The following R3HDM2 variants were observed in gnomAD, a reference collection of about 807,000 sequenced individuals.
R3HDM2 encodes the protein R3H domain-containing protein 2.
In R3HDM2, 38 loss-of-function variants were observed where a neutral mutation model predicts 124.5. The ratio of observed to expected loss-of-function variants is 0.31; its 90% confidence interval spans 0.24 to 0.40. The LOEUF (loss-of-function observed/expected upper bound fraction) is 0.40, where lower values mean the gene tolerates loss of function less well. Ranked by LOEUF, R3HDM2 falls within the 10% of genes least tolerant of loss-of-function variation. The pLI, the probability that R3HDM2 is intolerant of heterozygous loss-of-function variation, is 1.00. For missense variants in R3HDM2, 869 were observed against 1,236.9 expected, an observed-to-expected ratio of 0.70 and a Z score of 4.46; for synonymous variants, 391 against 448.0, an observed-to-expected ratio of 0.87 and a Z score of 1.61.
intron 1 of R3HDM2, among the ~76,000 whole-genome samples, chr12:57,403,734 G>A (rs1283769205): frequency 1.3e-5 from 2 of 151,590 alleles, no homozygotes; most frequent in South Asian, 2.1e-4. Context: ...AGGGAGGATC[G>A]CCTGAGCCCA....
chr12:57,262,610 A>G (rs1295124377), intron 19 of R3HDM2, among the ~76,000 whole-genome samples: 2 of 152,178 alleles, frequency 1.3e-5, no homozygotes, highest in African/African-American at 4.8e-5. Flanking sequence ...TATTTTTGGA[A>G]AAGTGACCAT....
intron 2 of R3HDM2, among the ~76,000 whole-genome samples, chr12:57,329,511 T>C (rs1223134164): frequency 1.3e-5 from 2 of 152,172 alleles, no homozygotes; most frequent in Non-Finnish European, 2.9e-5. Context: ...TGCACAGTAG[T>C]TGCTAAGTGA....
In R3HDM2 at chr12:57,289,571, C is replaced by T. The variant is rs147860757; in HGVS notation, c.907-531G>A. Among the ~76,000 whole-genome samples, 46 of 152,244 alleles carry T rather than the reference C, an allele frequency of 3.0e-4. No individual in the cohort carries two copies. In the East Asian group the frequency reaches 8.1e-3, roughly 27 times the overall value. On this transcript the variant is annotated intron_variant, in intron 11 of 23. Coordinates refer to ENST00000402412, the MANE Select transcript of R3HDM2 (RefSeq NM_001394031.1). ...TGGGGAAGCAGTTACTTTTCAGGGC[C>T]TAGAAAAAATGAGAAAATTAAAAGC...
intron 2 of R3HDM2, among the ~76,000 whole-genome samples, chr12:57,339,936 A>G (rs1223358925): frequency 6.6e-6 from 1 of 152,202 alleles, no homozygotes; most frequent in African/African-American, 2.4e-5. Flanking sequence ...AAAACAAAAA[A>G]CAAAAAAAGT....
intron 2 of R3HDM2, among the ~76,000 whole-genome samples, chr12:57,375,949 GGCGTGA>G (rs2064006810): frequency 6.6e-6 from 1 of 152,082 alleles, no homozygotes. Flanking sequence ...TGGGATTACA[GGCGTGA>G]GCCACCATGC....
chr12:57,367,377 T>TA (rs2062795527), intron 2 of R3HDM2, among the ~76,000 whole-genome samples: 1 of 152,240 alleles, frequency 6.6e-6, no homozygotes, highest in Non-Finnish European at 1.5e-5. Context: ...ACTCAATTTT[T>TA]ATGTAAATAT....
intron 2 of R3HDM2, among the ~76,000 whole-genome samples, chr12:57,359,026 T>A (rs1490819821): frequency 6.6e-6 from 1 of 151,970 alleles, no homozygotes; most frequent in East Asian, 1.9e-4. Context: ...CAAGTAATTC[T>A]CCTGCCTCAG....
At position 57,297,980 on chromosome 12, in the gene R3HDM2, A is replaced by T. The variant is rs977793312; in HGVS notation, c.500+110T>A. On this transcript the variant is annotated intron_variant, in intron 7 of 23. Transcript: ENST00000402412. ...CCTGACAAATACTAGGGGGACAGGA[A>T]GATGAGCATCCTAGATTCTAAGAAT... 1.1e-5 allele frequency: 8 copies of T among 755,866 alleles called. No homozygotes were observed. The African/African-American group carries it at 1.4e-4, about 13-fold the overall frequency. 46.8% of individuals were successfully genotyped at this position (755,866 alleles called of 1,614,324 possible). A position where few individuals can be genotyped will look rare whatever the true frequency, so the allele number is the denominator to read the frequency against.
rs377709378 is a variant in R3HDM2, at chr12:57,365,663, C to T, written c.-36+30086G>A. Among the ~76,000 whole-genome samples the T allele has an allele frequency of 5.3e-5, 8 of 152,068 alleles. No individual in the cohort carries two copies. The South Asian group carries it at 1.5e-3, about 28-fold the overall frequency. On this transcript the variant is annotated intron_variant, in intron 2 of 23. Transcript: ENST00000402412. ...TTAAGATCAGTGATAAAGCTGGAAA[C>T]GGTGGCTTATGCCTGTAATCCCAGC...
intron 2 of R3HDM2, among the ~76,000 whole-genome samples, chr12:57,378,587 C>T (rs1479099834): frequency 3.3e-5 from 5 of 152,212 alleles, no homozygotes; most frequent in East Asian, 3.9e-4. Context: ...CCATGTTGCC[C>T]AGGCTGGTCT....
intron 2 of R3HDM2, among the ~76,000 whole-genome samples, chr12:57,354,781 G>C (rs923274664): frequency 6.6e-6 from 1 of 152,006 alleles, no homozygotes; most frequent in East Asian, 1.9e-4. Context: ...TACATTTTCT[G>C]CCAGTATGAA....
chr12:57,268,819 A>G (rs2043014882), intron 17 of R3HDM2, 103 bp downstream of exon 17: 1 of 1,361,364 alleles, frequency 7.3e-7, no homozygotes, highest in Non-Finnish European at 1.0e-6. Context: ...GAAAGTAGAC[A>G]CTATTTTAGT....
chr12:57,416,499 T>C (rs892096821), intron 1 of R3HDM2, among the ~76,000 whole-genome samples: 3 of 152,058 alleles, frequency 2.0e-5, no homozygotes, highest in African/African-American at 7.2e-5. Context: ...TAAAAGGCAA[T>C]TTGAGATGAG....
chr12:57,425,269 T>A (rs144952312), intron 1 of R3HDM2, among the ~76,000 whole-genome samples: 1,936 of 147,676 alleles, frequency 0.013, 38 homozygotes, highest in African/African-American at 0.045. Flanking sequence ...CGAAACTCCG[T>A]CTCAAAAAAA....
intron 12 of R3HDM2, among the ~76,000 whole-genome samples, chr12:57,288,012 G>A (rs546773370): frequency 3.4e-5 from 5 of 147,294 alleles, no homozygotes; most frequent in African/African-American, 9.8e-5. Context: ...AGGTCCCTTA[G>A]GTCTTTTTTT....
At chr12:57,305,172 A>T (rs1351019348) in intron 3 of R3HDM2, among the ~76,000 whole-genome samples, 1 of 152,180 alleles carries the variant, frequency 6.6e-6, no homozygotes, top group Non-Finnish European at 1.5e-5. Flanking sequence ...GCAACAGAGC[A>T]AGGCTCCGTT....
chr12:57,408,659 T>C (rs941922372), intron 1 of R3HDM2, among the ~76,000 whole-genome samples: 1 of 152,170 alleles, frequency 6.6e-6, no homozygotes, highest in African/African-American at 2.4e-5. Flanking sequence ...GGACATTCCT[T>C]ATACCACTCT....
intron 1 of R3HDM2, among the ~76,000 whole-genome samples, chr12:57,414,945 C>A (rs2139396933): frequency 6.6e-6 from 1 of 152,100 alleles, no homozygotes; most frequent in Admixed American, 6.6e-5. Context: ...AGGTCTGGGG[C>A]AAGTAAAATA....
Position 57,260,263 on chromosome 12 carries a change from C to CAAAAAAAAAAAAAAAAAAAAA in R3HDM2, c.2132-1225_2132-1205dup, listed in dbSNP as rs566868060. Among the ~76,000 whole-genome samples, 246 of 31,548 alleles carry CAAAAAAAAAAAAAAAAAAAAA rather than the reference C, an allele frequency of 7.8e-3. 52 individuals are homozygous for CAAAAAAAAAAAAAAAAAAAAA. Among genetic ancestry groups the CAAAAAAAAAAAAAAAAAAAAA allele is most frequent in the East Asian group, 0.017 (11 of 636 alleles). The allele number at this position is 31,548 out of a possible 152,430, so 20.7% of individuals were successfully genotyped here. On this transcript the variant is annotated intron_variant, in intron 19 of 23. Transcript: ENST00000402412. ...TGGGTGACAGAATGAGACCCTGCCT[C>CAAAAAAAAAAAAAAAAAAAAA]AAAAAAAAAAAAAAAAAAAAAAGCC...
Sources: allele counts gnomAD v4.1 joint callset (sites outside exome capture counted in the v4.1 genomes callset), GRCh38; gene constraint gnomAD v4.1.1; transcripts MANE v1.5; gene names NCBI Gene and HGNC (gene_info 2026-07-23, HGNC 2026-07-21).